Variants in ATXN1 observed in about 807,000 individuals in gnomAD.
ATXN1 encodes the protein ataxin-1.
A neutral mutation model predicts 56.4 loss-of-function variants in ATXN1; 8 were observed. The observed-to-expected ratio is 0.14, with a 90% CI of 0.08 to 0.26. The LOEUF (loss-of-function observed/expected upper bound fraction) is 0.26, where lower values mean the gene tolerates loss of function less well. Among genes scored for constraint, ATXN1 ranks in the 10% least tolerant of loss-of-function variants. The pLI is 1.00. For missense variants in ATXN1, 987 were observed against 1,106.5 expected, an observed-to-expected ratio of 0.89 and a Z score of 1.53; for synonymous variants, 514 against 494.6, an observed-to-expected ratio of 1.04 and a Z score of -0.52.
At chr6:16,611,918 G>A (rs1763114999) in intron 3 of ATXN1, among the ~76,000 whole-genome samples, 1 of 121,912 alleles carries the variant, frequency 8.2e-6, no homozygotes, top group East Asian at 2.8e-4. Flanking sequence ...GGAGTGCAGT[G>A]GCTCCATCTC....
intron 6 of ATXN1, among the ~76,000 whole-genome samples, chr6:16,483,669 C>A (rs959451212): frequency 6.6e-6 from 1 of 152,226 alleles, no homozygotes; most frequent in Non-Finnish European, 1.5e-5. Context: ...TTCAAGTCTG[C>A]CATGTGGCAT....
At chr6:16,679,113 T>G (rs1464452309) in intron 2 of ATXN1, among the ~76,000 whole-genome samples, 1 of 144,676 alleles carries the variant, frequency 6.9e-6, no homozygotes, top group Non-Finnish European at 1.5e-5. Context: ...GGTGGGAGGG[T>G]GGATGGATGG....
chr6:16,548,516 A>T (rs1761856109), intron 4 of ATXN1, among the ~76,000 whole-genome samples: 1 of 152,226 alleles, frequency 6.6e-6, no homozygotes, highest in South Asian at 2.1e-4. Context: ...AATAATACTT[A>T]GCTTAAAACA....
chr6:16,500,021 C>A (rs540217687), intron 5 of ATXN1, among the ~76,000 whole-genome samples: 1 of 152,146 alleles, frequency 6.6e-6, no homozygotes, highest in East Asian at 1.9e-4. Context: ...TACTATGCAG[C>A]CAAGGTGGAG....
At chr6:16,630,563 T>A (rs1355891637) in intron 3 of ATXN1, among the ~76,000 whole-genome samples, 1 of 152,190 alleles carries the variant, frequency 6.6e-6, no homozygotes, top group East Asian at 1.9e-4. Flanking sequence ...GAGAGCCTCC[T>A]GCAAGTCATC....
At chr6:16,618,121 G>A (rs760489528) in intron 3 of ATXN1, among the ~76,000 whole-genome samples, 3 of 151,980 alleles carry the variant, frequency 2.0e-5, no homozygotes, top group East Asian at 1.9e-4. Context: ...CAGGGACATG[G>A]ATGAAGCTGG....
chr6:16,735,896 G>A (rs1222272725), intron 2 of ATXN1, among the ~76,000 whole-genome samples: 1 of 152,112 alleles, frequency 6.6e-6, no homozygotes, highest in African/African-American at 2.4e-5. Flanking sequence ...TAATCTGTTT[G>A]AAACCATGGG....
chr6:16,605,437 A>C (rs1361182506), intron 3 of ATXN1, among the ~76,000 whole-genome samples: 1 of 152,150 alleles, frequency 6.6e-6, no homozygotes, highest in Non-Finnish European at 1.5e-5. Flanking sequence ...GCTGCCCATG[A>C]GCCCTGCAAG....
chr6:16,726,839 C>T (rs1304444541), intron 2 of ATXN1, among the ~76,000 whole-genome samples: 1 of 152,038 alleles, frequency 6.6e-6, no homozygotes, highest in African/African-American at 2.4e-5. Context: ...GCCTGGGCGA[C>T]AAGAGCGAAA....
At chr6:16,751,370 C>A (rs1760713141) in intron 2 of ATXN1, among the ~76,000 whole-genome samples, 1 of 152,180 alleles carries the variant, frequency 6.6e-6, no homozygotes, top group Non-Finnish European at 1.5e-5. Flanking sequence ...CCTCTCTAAT[C>A]CACAGCCAAT....
At position 16,327,999 on chromosome 6, in the gene ATXN1, G is replaced by A. The variant is rs775843756; in HGVS notation, c.312C>T (p.Ala104=). The change falls in exon 7 of 8, where the codon GCC becomes GCT. Residue 104 remains alanine, a synonymous_variant. Coordinates refer to ENST00000436367, the MANE Select transcript of ATXN1 (RefSeq NM_001128164.2). ...RSVPVATTLP[A]AYATPQPGTP... ...TCCCTGGCTGCGGGGTGGCGTACGC[G>A]GCAGGCAGCGTGGTGGCCACGGGGA... The A allele has an allele frequency of 1.2e-5, 20 of 1,613,494 alleles. No individual in the cohort carries two copies. The highest frequency in any genetic ancestry group is 3.3e-5 in the Admixed American group (2 of 59,974).
chr6:16,421,315 G>A (rs1036194331), intron 6 of ATXN1, among the ~76,000 whole-genome samples: 7 of 151,442 alleles, frequency 4.6e-5, no homozygotes, highest in Admixed American at 2.6e-4. Flanking sequence ...TGTCATTTTC[G>A]TCACTTTAAC....
chr6:16,701,357 C>T (rs1272926685), intron 2 of ATXN1, among the ~76,000 whole-genome samples: 1 of 152,206 alleles, frequency 6.6e-6, no homozygotes, highest in Non-Finnish European at 1.5e-5. Context: ...TGGCCATTCA[C>T]TTCTTCATCT....
At chr6:16,530,057 A>G (rs1761472810) in intron 4 of ATXN1, among the ~76,000 whole-genome samples, 1 of 152,230 alleles carries the variant, frequency 6.6e-6, no homozygotes, top group Admixed American at 6.5e-5. Context: ...TAAAATTGAA[A>G]AGATGATTAT....
At chr6:16,316,865 C>CTTTTTTTTTT (rs375359789) in intron 7 of ATXN1, among the ~76,000 whole-genome samples, 1,165 of 99,358 alleles carry the variant, frequency 0.012, 261 homozygotes, top group African/African-American at 0.052. Flanking sequence ...GACTGCCTGT[C>CTTTTTTTTTT]TTTTTTTTTT....
At chr6:16,497,934 C>T (rs895129824) in intron 5 of ATXN1, among the ~76,000 whole-genome samples, 6 of 152,018 alleles carry the variant, frequency 3.9e-5, no homozygotes, top group African/African-American at 1.4e-4. Context: ...TGGTTTAAGG[C>T]TATATGTGCA....
chr6:16,542,904 G>C (rs1285127951), intron 4 of ATXN1, among the ~76,000 whole-genome samples: 1 of 151,174 alleles, frequency 6.6e-6, no homozygotes, highest in Non-Finnish European at 1.5e-5. Context: ...TGAATGTGGT[G>C]TCTCTCTCTC....
intron 6 of ATXN1, among the ~76,000 whole-genome samples, chr6:16,392,026 C>T (rs751348608): frequency 3.3e-5 from 5 of 152,150 alleles, no homozygotes; most frequent in Non-Finnish European, 7.4e-5. Context: ...CACCAGGAGG[C>T]AGAGAAACAG....
chr6:16,406,053 T>G (rs1210171714), intron 6 of ATXN1, among the ~76,000 whole-genome samples: 2 of 152,224 alleles, frequency 1.3e-5, no homozygotes, highest in African/African-American at 4.8e-5. Context: ...GTGTTTGAGC[T>G]ATTTCTCTTG....
Sources: allele counts gnomAD v4.1 joint callset (sites outside exome capture counted in the v4.1 genomes callset), GRCh38; gene constraint gnomAD v4.1.1; transcripts MANE v1.5; gene names NCBI Gene and HGNC (gene_info 2026-07-23, HGNC 2026-07-21).